Variants in DYNC1I1 observed in about 807,000 individuals in gnomAD.
DYNC1I1 encodes the protein cytoplasmic dynein 1 intermediate chain 1.
DYNC1I1 carries 43 observed loss-of-function variants against 86.6 expected under a neutral mutation model. The ratio of observed to expected loss-of-function variants is 0.50; its 90% CI spans 0.39 to 0.64. The LOEUF is 0.64. Among genes scored for constraint, DYNC1I1 ranks in the 30% least tolerant of loss-of-function variants. The pLI, the probability that DYNC1I1 is intolerant of heterozygous loss-of-function variation, is 0.00. For missense variants in DYNC1I1, 604 were observed against 788.8 expected (o/e 0.77, Z 2.81); for synonymous variants, 262 against 283.7 (o/e 0.92, Z 0.77).
At chr7:95,818,321 T>G (rs561475542) in intron 4 of DYNC1I1, among the ~76,000 whole-genome samples, 459 of 151,938 alleles carry the variant, frequency 3.0e-3, no homozygotes, top group African/African-American at 0.01. Flanking sequence ...TTTTTTTTTT[T>G]TAAAGACAAA....
rs1004698084 is a variant in DYNC1I1, at chr7:96,022,627, T to C, written c.970-5548T>C. On this transcript the variant is annotated intron_variant, in intron 10 of 16. Coordinates refer to ENST00000447467, the MANE Select transcript of DYNC1I1 (RefSeq NM_001135556.2). Reference sequence around the variant, plus strand: ...CCTGTAATCCCAGCACTTTGGGAGGTTGAGGCAGGAAGATTGCTTGAGCCC... The same window carrying C: ...CCTGTAATCCCAGCACTTTGGGAGGCTGAGGCAGGAAGATTGCTTGAGCCC... Among the ~76,000 whole-genome samples the C allele has an allele frequency of 7.3e-5, 11 of 151,380 alleles. No individual in the cohort carries two copies. The South Asian group carries it at 2.1e-3, about 29-fold the overall frequency.
intron 3 of DYNC1I1, among the ~76,000 whole-genome samples, chr7:95,812,924 T>C (rs1022647149): frequency 1.3e-5 from 2 of 152,180 alleles, no homozygotes; most frequent in Non-Finnish European, 2.9e-5. Flanking sequence ...GGATGGTTCA[T>C]GTTAGAGAGA....
intron 11 of DYNC1I1, among the ~76,000 whole-genome samples, chr7:96,028,701 T>C (rs1047199212): frequency 2.0e-5 from 3 of 152,216 alleles, no homozygotes; most frequent in African/African-American, 7.2e-5. Context: ...CATCAAGGGA[T>C]GATATATGGG....
intron 16 of DYNC1I1, among the ~76,000 whole-genome samples, chr7:96,096,000 T>C (rs2116330233): frequency 6.6e-6 from 1 of 152,238 alleles, no homozygotes; most frequent in South Asian, 2.1e-4. Flanking sequence ...ATTCAGAAAC[T>C]CATTCATGTG....
At chr7:95,785,775 G>GCATATATA (rs1554382739) in intron 1 of DYNC1I1, among the ~76,000 whole-genome samples, 1 of 124,906 alleles carries the variant, frequency 8.0e-6, no homozygotes, top group Non-Finnish European at 1.7e-5. Context: ...GTGTGTATGT[G>GCATATATA]TATATATATA....
chr7:95,866,097 G>A (rs1790010610), intron 5 of DYNC1I1, among the ~76,000 whole-genome samples: 1 of 152,190 alleles, frequency 6.6e-6, no homozygotes, highest in Admixed American at 6.5e-5. Flanking sequence ...ATGCCACAGT[G>A]TTGTCTTGCT....
At chr7:95,909,933 G>T (rs1330354969) in intron 6 of DYNC1I1, among the ~76,000 whole-genome samples, 1 of 152,114 alleles carries the variant, frequency 6.6e-6, no homozygotes, top group East Asian at 1.9e-4. Context: ...CTCTTTCTCA[G>T]ATGGTCATTT....
intron 1 of DYNC1I1, among the ~76,000 whole-genome samples, chr7:95,787,967 G>T (rs958189638): frequency 6.6e-6 from 1 of 152,188 alleles, no homozygotes; most frequent in Non-Finnish European, 1.5e-5. Flanking sequence ...CAAAGACCCT[G>T]AGGTGGGTGT....
intron 6 of DYNC1I1, among the ~76,000 whole-genome samples, chr7:95,939,559 CT>C (rs1469553663): frequency 8.6e-5 from 13 of 150,984 alleles, no homozygotes; most frequent in African/African-American, 3.2e-4. Flanking sequence ...TAATGGCATT[CT>C]TTGTCTCTTT....
chr7:95,892,231 G>C (rs1210399144), intron 6 of DYNC1I1, among the ~76,000 whole-genome samples: 1 of 151,946 alleles, frequency 6.6e-6, no homozygotes, highest in African/African-American at 2.4e-5. Flanking sequence ...CCACCTCCTG[G>C]GTTCAAGCAA....
chr7:95,802,118 C>T (rs567534232), intron 1 of DYNC1I1, among the ~76,000 whole-genome samples: 3 of 152,046 alleles, frequency 2.0e-5, no homozygotes, highest in African/African-American at 7.2e-5. Flanking sequence ...ACTTCTCCCC[C>T]CATCTGTAGT....
At chr7:96,083,094 A>G (rs575667179) in intron 16 of DYNC1I1, among the ~76,000 whole-genome samples, 23 of 152,184 alleles carry the variant, frequency 1.5e-4, no homozygotes, top group Non-Finnish European at 2.6e-4. Flanking sequence ...CACTACCAAG[A>G]AAAAGAAAGG....
chr7:95,788,770 CT>C (rs1394336373), intron 1 of DYNC1I1, among the ~76,000 whole-genome samples: 1 of 152,072 alleles, frequency 6.6e-6, no homozygotes, highest in Non-Finnish European at 1.5e-5. Flanking sequence ...CTTCCCAAGG[CT>C]GTGATTGGGT....
At chr7:95,822,931 G>A (rs1203428162) in intron 4 of DYNC1I1, among the ~76,000 whole-genome samples, 1 of 152,150 alleles carries the variant, frequency 6.6e-6, no homozygotes, top group Non-Finnish European at 1.5e-5. Flanking sequence ...GTCTGGTCTT[G>A]GGGAAAGATA....
intron 6 of DYNC1I1, among the ~76,000 whole-genome samples, chr7:95,936,305 G>C (rs909299367): frequency 1.3e-5 from 2 of 151,990 alleles, no homozygotes; most frequent in Non-Finnish European, 2.9e-5. Flanking sequence ...AACGATAGCT[G>C]AGTTTTTAGT....
At chr7:95,988,750 A>C (rs1793658560) in intron 9 of DYNC1I1, among the ~76,000 whole-genome samples, 1 of 152,220 alleles carries the variant, frequency 6.6e-6, no homozygotes, top group African/African-American at 2.4e-5. Context: ...TATTGGGAAT[A>C]ATAGTCATAG....
Position 95,902,231 on chromosome 7 carries a change from G to GT in DYNC1I1, c.490+32239dup, listed in dbSNP as rs531504112. On this transcript the variant is annotated intron_variant, in intron 6 of 16. Coordinates refer to ENST00000447467, the MANE Select transcript of DYNC1I1 (RefSeq NM_001135556.2). The stretch of plus-strand genomic sequence containing the variant: ...CTGACTTCTTGTTCTCCAGTGGCGT[G>GT]TTTTTTCCTGCTATTGAGCAGAACT... Among the ~76,000 whole-genome samples, 62 of 152,266 alleles carry GT rather than the reference G, an allele frequency of 4.1e-4. No individual in the cohort carries two copies. The East Asian group carries it at 4.8e-3, about 12-fold the overall frequency.
intron 5 of DYNC1I1, among the ~76,000 whole-genome samples, chr7:95,832,448 T>C (rs964098506): frequency 4.7e-4 from 72 of 151,940 alleles, no homozygotes; most frequent in Non-Finnish European, 8.1e-4. Context: ...TGTGTCTTTA[T>C]AGCAGCATGA....
chr7:96,095,871 A>T (rs1375933877), intron 16 of DYNC1I1, among the ~76,000 whole-genome samples: 4 of 152,160 alleles, frequency 2.6e-5, no homozygotes, highest in Non-Finnish European at 5.9e-5. Flanking sequence ...AAAAGAGTCC[A>T]AAGTAGGGAA....
Sources: gnomAD v4.1 joint callset for allele counts (sites outside exome capture counted in the v4.1 genomes callset) on GRCh38, gnomAD v4.1.1 for gene constraint, MANE v1.5 for transcripts, NCBI Gene and HGNC (gene_info 2026-07-23, HGNC 2026-07-21) for gene names.